The following BRCA1 variants were observed in gnomAD, a reference collection of about 807,000 sequenced individuals.
BRCA1 encodes BRCA1 DNA repair associated.
A neutral mutation model predicts 173.7 loss-of-function variants in BRCA1; 140 were observed. The observed-to-expected ratio is 0.81, with a 90% CI of 0.70 to 0.93. The LOEUF is 0.93. Ranked by LOEUF, BRCA1 falls within the 40% of genes least tolerant of loss-of-function variation. BRCA1 has a pLI of 0.00. For missense variants in BRCA1, 1,983 were observed against 2,172.5 expected (o/e 0.91, Z 1.73); for synonymous variants, 662 against 756.0 (o/e 0.88, Z 2.04).
At position 43,100,676 on chromosome 17, in the gene BRCA1, ATAATAT is replaced by A. The variant is rs1474724155; in HGVS notation, c.442-802_442-797del. 1.8e-3 allele frequency among the ~76,000 whole-genome samples: 51 copies of A among 27,904 alleles called. 5 individuals are homozygous for A. The highest frequency in any genetic ancestry group is 9.2e-3 in the Admixed American group (20 of 2,166). The allele number at this position is 27,904 out of a possible 152,430, so 18.3% of individuals were successfully genotyped here. ...ATATAACATATATATATATATATATATAATATATATATATATATATATATATGTAAT... is the reference window on the plus strand; with the variant it reads ...ATATAACATATATATATATATATATAATATATATATATATATATATGTAAT... On this transcript the variant is annotated intron_variant, in intron 6 of 22. Transcript: ENST00000357654.
At chr17:43,149,472 T>C (rs1168114764) in intron 1 of BRCA1, among the ~76,000 whole-genome samples, 2 of 151,870 alleles carry the variant, frequency 1.3e-5, no homozygotes, top group African/African-American at 4.8e-5. Flanking sequence ...TGACATCAAG[T>C]GATCCGCCCA....
rs923861771 is a variant in BRCA1 at position 43,144,933 on chromosome 17, C to T, written c.-19-20818G>A. 2.9e-5 allele frequency: 17 copies of T among 583,144 alleles called. No individual in the cohort carries two copies. The Admixed American group carries it at 3.3e-4, about 11-fold the overall frequency. The allele number at this position is 583,144 out of a possible 1,614,324, so 36.1% of individuals were successfully genotyped here. A position where few individuals can be genotyped will look rare whatever the true frequency, so the allele number is the denominator to read the frequency against. ...CACACCGCGGCCAGCAGGCACCTGG[C>T]ACCCACCTTCCCTGCTGCCAGGATG... is the stretch of plus-strand genomic sequence containing the variant. On this transcript the variant is annotated intron_variant, in intron 1 of 7. Transcript: ENST00000634433.
chr17:43,112,772 A>G (rs1305994668), intron 3 of BRCA1, among the ~76,000 whole-genome samples: 1 of 150,234 alleles, frequency 6.7e-6, no homozygotes, highest in Non-Finnish European at 1.5e-5. Context: ...CCAGTTGCCA[A>G]CTCTAATCCT....
At position 43,045,268 on chromosome 17, in the gene BRCA1, C is replaced by A. The variant is rs1371907258; in HGVS notation, c.*410G>T. 3.7e-6 allele frequency: 2 copies of A among 544,054 alleles called. No individual in the cohort carries two copies. The highest frequency in any genetic ancestry group is 3.5e-6 in the Non-Finnish European group (1 of 283,228). The allele number at this position is 544,054 out of a possible 1,614,324, so 33.7% of individuals were successfully genotyped here. A position where few individuals can be genotyped will look rare whatever the true frequency, so the allele number is the denominator to read the frequency against. On this transcript the variant is annotated 3_prime_UTR_variant, in exon 23 of 23. Transcript: ENST00000357654. ...GTCTGACTCTCTGCCTTTGTGAACA[C>A]AGGGTTTTAGAGAAGTAAACTTAGG...
chr17:43,071,659 T>C (rs1489185697), intron 14 of BRCA1, among the ~76,000 whole-genome samples: 1 of 152,172 alleles, frequency 6.6e-6, no homozygotes, highest in Admixed American at 6.5e-5. Context: ...ATGTTACTAA[T>C]ATATTAAAGA....
chr17:43,111,863 TA>T (rs1041866128), intron 3 of BRCA1, among the ~76,000 whole-genome samples: 133 of 151,580 alleles, frequency 8.8e-4, no homozygotes, highest in Non-Finnish European at 1.4e-3. Flanking sequence ...CAAACAAAAA[TA>T]AAAAAAAGAT....
rs535888877 is a variant in BRCA1 at position 43,072,377 on chromosome 17, G to T, written c.4676-1139C>A. 8.6e-5 allele frequency among the ~76,000 whole-genome samples: 13 copies of T among 151,774 alleles called. No homozygotes were observed. The South Asian group carries it at 2.7e-3, about 32-fold the overall frequency. ...GCACTCCAGCCTGGGCAACAAGAGT[G>T]AAACTCCGTCTCAAAAAAGAGTACG... is the stretch of plus-strand genomic sequence containing the variant. On this transcript the variant is annotated intron_variant, in intron 14 of 22. Transcript: ENST00000357654.
chr17:43,123,685 G>A (rs1371594676), intron 2 of BRCA1, among the ~76,000 whole-genome samples: 1 of 152,106 alleles, frequency 6.6e-6, no homozygotes, highest in Admixed American at 6.6e-5. Context: ...AAGTGATGGA[G>A]CTTGTTTTAG....
At position 43,071,143 on chromosome 17, in the gene BRCA1, C is replaced by T. The variant is rs587782825; in HGVS notation, c.4771G>A (p.Gly1591Ser). The change falls in exon 15 of 23, where the codon GGC becomes AGC. Residue 1591 changes from glycine (G) to serine (S), a missense_variant. Gly to Ser is a moderately conservative substitution (Grantham distance 56). Coordinates refer to ENST00000357654, the MANE Select transcript of BRCA1 (RefSeq NM_007294.4). ...EDRAPESARV[G>S]NIPSSTSALK... ...GCAGAGGTTGAAGATGGTATGTTGC[C>T]AACACGAGCTGACTCTGGGGCTCTG... The T allele has an allele frequency of 6.8e-6, 11 of 1,613,984 alleles. No individual in the cohort carries two copies. The highest frequency in any genetic ancestry group is 9.3e-6 in the Non-Finnish European group (11 of 1,180,016).
chr17:43,104,325 AG>A (rs1247247577), intron 5 of BRCA1, 64 bp from the exon 6 acceptor site: 7 of 1,485,352 alleles, frequency 4.7e-6, no homozygotes, highest in Non-Finnish European at 4.7e-6. Flanking sequence ...TTATAATCAA[AG>A]AAACCAAGAG....
intron 1 of BRCA1, among the ~76,000 whole-genome samples, chr17:43,151,994 A>T (rs1187753138): frequency 3.3e-5 from 5 of 152,216 alleles, no homozygotes; most frequent in Non-Finnish European, 5.9e-5. Context: ...ATTTCCTTTA[A>T]ATATCATCAT....
chr17:43,087,760 G>A (rs993559723), intron 11 of BRCA1, among the ~76,000 whole-genome samples: 4 of 151,896 alleles, frequency 2.6e-5, no homozygotes, highest in Admixed American at 6.6e-5. Context: ...TTTGAGACAG[G>A]GTCTCACCAT....
In BRCA1 at chr17:43,146,544, G is replaced by A. The variant is rs1271988562; in HGVS notation, c.-19-22429C>T. ...AGGATGGTCTCGATCTCCTGACCTCGTGATCTGCCTGCCTCAGCCTCCCAA... is the reference window on the plus strand; with the variant it reads ...AGGATGGTCTCGATCTCCTGACCTCATGATCTGCCTGCCTCAGCCTCCCAA... On this transcript the variant is annotated intron_variant, in intron 1 of 7. Coordinates refer to the BRCA1 transcript ENST00000634433. 4.0e-5 allele frequency among the ~76,000 whole-genome samples: 6 copies of A among 151,860 alleles called. No individual in the cohort carries two copies. The South Asian group carries it at 6.2e-4, about 16-fold the overall frequency.
At chr17:43,130,958 C>T (rs1240547766) in intron 1 of BRCA1, among the ~76,000 whole-genome samples, 4 of 152,186 alleles carry the variant, frequency 2.6e-5, no homozygotes, top group Admixed American at 1.3e-4. Context: ...GGTGTTCTGA[C>T]TTCTTCTATG....
At chr17:43,125,165 C>T (rs1430995690) in intron 1 of BRCA1, 106 bp downstream of exon 1, 2 of 455,408 alleles carry the variant, frequency 4.4e-6, no homozygotes, top group Middle Eastern at 3.3e-4. Flanking sequence ...CCGCCCCTAC[C>T]CCCCGTCAAA....
At chr17:43,145,321 T>TTTC in intron 1 of BRCA1, 4 of 467,348 alleles carry the variant, frequency 8.6e-6, no homozygotes, top group East Asian at 5.0e-5. Flanking sequence ...GAGGAATTTT[T>TTTC]TTTCTTTCTT....
chr17:43,099,908 G>T (rs2054310246), intron 6 of BRCA1, 28 bp from the exon 7 acceptor site: 1 of 1,536,460 alleles, frequency 6.5e-7, no homozygotes, highest in Non-Finnish European at 9.0e-7. Context: ...GAACAGTCAA[G>T]CAATTGTTGG....
In BRCA1 at chr17:43,044,391, G is replaced by A. The variant is rs12516; in HGVS notation, c.*1287C>T. On this transcript the variant is annotated 3_prime_UTR_variant, in exon 23 of 23. Coordinates refer to ENST00000357654, the MANE Select transcript of BRCA1 (RefSeq NM_007294.4). ...CAAGTCTTCACTGCCCTTGCACACT[G>A]GGGGGGCTAGGGAAGACCTAGTCCT... 171,095 of 504,982 alleles carry A rather than the reference G, an allele frequency of 0.34. 30,788 individuals are homozygous for A. Among genetic ancestry groups the A allele is most frequent in the South Asian group, 0.5 (32,296 of 64,882 alleles). The allele number at this position is 504,982 out of a possible 1,614,324, so 31.3% of individuals were successfully genotyped here.
intron 2 of BRCA1, among the ~76,000 whole-genome samples, chr17:43,117,162 C>T (rs1182880450): frequency 6.6e-6 from 1 of 152,186 alleles, no homozygotes; most frequent in African/African-American, 2.4e-5. Flanking sequence ...AAGCTTAAGG[C>T]CGGGCATGGT....
Sources: gnomAD v4.1 joint callset for allele counts (sites outside exome capture counted in the v4.1 genomes callset) on GRCh38, gnomAD v4.1.1 for gene constraint, MANE v1.5 for transcripts, NCBI Gene and HGNC (gene_info 2026-07-23, HGNC 2026-07-21) for gene names.